The following RIC1 variants were observed in gnomAD, a reference collection of about 807,000 sequenced individuals.
RIC1 encodes RIC1 partner of RAB6A GEF complex.
In RIC1, 88 loss-of-function variants were observed where a neutral mutation model predicts 169.0. The ratio of observed to expected loss-of-function variants is 0.52; its 90% CI spans 0.44 to 0.62. The LOEUF (loss-of-function observed/expected upper bound fraction) is 0.62, where lower values mean the gene tolerates loss of function less well. Ranked by LOEUF, RIC1 falls within the 20% of genes least tolerant of loss-of-function variation. The probability of loss-of-function intolerance (pLI) is 0.00; values close to 1 mark genes in which losing one functional copy is unlikely to be tolerated. For missense variants in RIC1, 1,877 were observed against 1,725.5 expected (o/e 1.09, Z -1.56); for synonymous variants, 790 against 601.5 (o/e 1.31, Z -4.59).
chr9:5,762,785 CA>C, intron 18 of RIC1, 125 bp downstream of exon 18: 1 of 1,230,494 alleles, frequency 8.1e-7, no homozygotes, highest in East Asian at 2.6e-5. Flanking sequence ...TCCATAAAAT[CA>C]GTCTTAAGCC....
At chr9:5,720,945 C>G (rs962137359) in intron 6 of RIC1, among the ~76,000 whole-genome samples, 195 bp downstream of exon 6, 6 of 152,120 alleles carry the variant, frequency 3.9e-5, no homozygotes, top group Non-Finnish European at 7.4e-5. Flanking sequence ...GATTCCTGTT[C>G]TCCTCCCTGC....
At chr9:5,772,783 G>T in intron 24 of RIC1, 42 bp downstream of exon 24, 1 of 1,575,676 alleles carries the variant, frequency 6.3e-7, no homozygotes, top group Non-Finnish European at 8.6e-7. Flanking sequence ...TGCCTACTCA[G>T]AGTATTTGGG....
intron 1 of RIC1, among the ~76,000 whole-genome samples, chr9:5,649,771 C>A (rs2130389684): frequency 6.6e-6 from 1 of 150,594 alleles, no homozygotes; most frequent in Middle Eastern, 3.4e-3. Context: ...TGTATACTTA[C>A]AAGTTGATGT....
At chr9:5,719,105 G>A (rs1823438127) in intron 4 of RIC1, 1 of 151,998 alleles carries the variant, frequency 6.6e-6, no homozygotes. Flanking sequence ...TATAGTATTT[G>A]ATACTTTGAA....
intron 8 of RIC1, among the ~76,000 whole-genome samples, chr9:5,742,585 T>G (rs554141109): frequency 2.0e-5 from 3 of 152,142 alleles, no homozygotes; most frequent in Non-Finnish European, 2.9e-5. Context: ...CCAAAGACTT[T>G]TAAGATTACG....
At chr9:5,778,080 A>G (rs964550993), downstream of RIC1, among the ~76,000 whole-genome samples, 4 of 152,230 alleles carry the variant, frequency 2.6e-5, no homozygotes, top group African/African-American at 9.6e-5. Context: ...CTTCCAGTCC[A>G]TGAACATGAG....
chr9:5,750,491 C>G (rs112161870), intron 12 of RIC1, among the ~76,000 whole-genome samples: 44 of 151,944 alleles, frequency 2.9e-4, no homozygotes, highest in African/African-American at 1.1e-3. Context: ...CAGTATGTAT[C>G]AAGTGTACCA....
chr9:5,646,045 C>T (rs983067031), intron 1 of RIC1, among the ~76,000 whole-genome samples: 5 of 151,456 alleles, frequency 3.3e-5, no homozygotes, highest in Non-Finnish European at 5.9e-5. Context: ...ACATTCTTAC[C>T]AGCAATACAG....
chr9:5,720,432 A>G, intron 5 of RIC1, 108 bp downstream of exon 5: 2 of 1,231,968 alleles, frequency 1.6e-6, no homozygotes, highest in South Asian at 1.5e-5. Context: ...GCAAGGGGAG[A>G]GGTGGGCAGA....
At chr9:5,760,396 C>T (rs978937655) in intron 17 of RIC1, among the ~76,000 whole-genome samples, 3 of 152,168 alleles carry the variant, frequency 2.0e-5, no homozygotes, top group South Asian at 2.1e-4. Flanking sequence ...AATACCCACT[C>T]ACTGAAGAAA....
intron 10 of RIC1, among the ~76,000 whole-genome samples, chr9:5,744,023 T>G (rs1328605930): frequency 6.8e-6 from 1 of 147,762 alleles, no homozygotes; most frequent in Non-Finnish European, 1.5e-5. Flanking sequence ...GCTGGCCCCC[T>G]TTTTTCACTC....
intron 6 of RIC1, 105 bp downstream of exon 6, chr9:5,720,855 T>A: frequency 1.9e-6 from 2 of 1,049,942 alleles, no homozygotes; most frequent in Non-Finnish European, 2.7e-6. Flanking sequence ...ATTTTAAGGG[T>A]TGTTAATTTT....
Position 5,763,893 on chromosome 9 carries a change from G to T in RIC1, c.2841+25G>T. The T allele has an allele frequency of 3.2e-6, 5 of 1,581,258 alleles. No homozygotes were observed. The highest frequency in any genetic ancestry group is 4.3e-6 in the Non-Finnish European group (5 of 1,161,318). ...GGTAACAATTCTCTTCTTATAAAGG[G>T]GCAAGAATTAATGAGCTTAAACTTA... On this transcript the variant is annotated intron_variant, in intron 19 of 25. Coordinates refer to ENST00000414202, the MANE Select transcript of RIC1 (RefSeq NM_020829.4). The surrounding 1 kb of genome is among the most constrained non-coding windows in gnomAD (Gnocchi z 5.2).
At chr9:5,757,206 A>C in intron 16 of RIC1, 107 bp from the exon 17 acceptor site, 1 of 1,285,198 alleles carries the variant, frequency 7.8e-7, no homozygotes, top group South Asian at 1.3e-5. Context: ...GTAGTAAGAC[A>C]TCTGAGTCTT....
intron 2 of RIC1, among the ~76,000 whole-genome samples, chr9:5,680,993 A>AT (rs1213887073): frequency 1.3e-5 from 2 of 149,418 alleles, no homozygotes; most frequent in Non-Finnish European, 3.0e-5. Context: ...CGCCCGGCTA[A>AT]TTTTTTGTAT....
chr9:5,729,976 A>G (rs1437122171), intron 6 of RIC1, among the ~76,000 whole-genome samples: 6 of 152,196 alleles, frequency 3.9e-5, no homozygotes, highest in Non-Finnish European at 5.9e-5. Context: ...TAGAGTTAGT[A>G]CAAAATATAT....
intron 7 of RIC1, among the ~76,000 whole-genome samples, chr9:5,737,146 T>C (rs1032249313): frequency 2.0e-5 from 3 of 152,204 alleles, no homozygotes; most frequent in Non-Finnish European, 2.9e-5. Flanking sequence ...AAATGCTGAA[T>C]GTGCATTAAA....
At chr9:5,764,062 A>G (rs1214687491) in intron 19 of RIC1, among the ~76,000 whole-genome samples, 194 bp downstream of exon 19, 1 of 152,194 alleles carries the variant, frequency 6.6e-6, no homozygotes, top group Non-Finnish European at 1.5e-5. Context: ...TATTTTTTCC[A>G]TTGTCCATAA....
At chr9:5,729,049 G>C (rs552338607) in intron 6 of RIC1, among the ~76,000 whole-genome samples, 2 of 152,152 alleles carry the variant, frequency 1.3e-5, no homozygotes, top group South Asian at 4.2e-4. Flanking sequence ...TCTGTCTCCA[G>C]TGTTCCTTGG....
Sources: allele counts gnomAD v4.1 joint callset (sites outside exome capture counted in the v4.1 genomes callset), GRCh38; gene constraint gnomAD v4.1.1; non-coding constraint Gnocchi (gnomAD v3.1); transcripts MANE v1.5; gene names NCBI Gene and HGNC (gene_info 2026-07-23, HGNC 2026-07-21).